Variants in MTUS1 observed in about 807,000 individuals in gnomAD.
The protein encoded by MTUS1 is microtubule associated scaffold protein 1.
In MTUS1, 109 loss-of-function variants were observed where a neutral mutation model predicts 120.8. That is an observed-to-expected ratio of 0.90 (90% CI 0.77 to 1.06). MTUS1 has a LOEUF of 1.06. MTUS1 is among the 50% of genes least tolerant of loss of function. MTUS1 has a pLI of 0.00. For synonymous variants in MTUS1, 737 were observed against 550.5 expected (o/e 1.34, Z -4.74); for missense variants, 2,210 against 1,486.3 (o/e 1.49, Z -8.01).
chr8:17,661,785 C>G (rs1010840031), intron 8 of MTUS1, among the ~76,000 whole-genome samples: 2 of 152,150 alleles, frequency 1.3e-5, no homozygotes, highest in Non-Finnish European at 2.9e-5. Flanking sequence ...TAGTCCAAAG[C>G]AGCAGGCCCA....
chr8:17,667,761 C>T (rs1410480889), intron 8 of MTUS1, among the ~76,000 whole-genome samples: 1 of 152,214 alleles, frequency 6.6e-6, no homozygotes, highest in Non-Finnish European at 1.5e-5. Flanking sequence ...GGTTCTTATG[C>T]AAGCTCTTTG....
rs2046078410 is a variant in MTUS1, at chr8:17,724,472, G to A, written c.2288-639C>T. 3.3e-5 allele frequency among the ~76,000 whole-genome samples: 5 copies of A among 152,036 alleles called. No individual in the cohort carries two copies. The South Asian group carries it at 1.0e-3, about 32-fold the overall frequency. On this transcript the variant is annotated intron_variant, in intron 3 of 14. Transcript: ENST00000693296. ...ATGCCTAATGTTCTAACACCAGGTG[G>A]TGCTATACTATTAAGATTTTTTTTT...
At chr8:17,662,980 T>G (rs1389495831) in intron 8 of MTUS1, among the ~76,000 whole-genome samples, 2 of 152,164 alleles carry the variant, frequency 1.3e-5, no homozygotes, top group East Asian at 3.9e-4. Flanking sequence ...GTCAGTATTT[T>G]CACTCTGCAA....
chr8:17,657,649 C>A (rs59799830), intron 8 of MTUS1, among the ~76,000 whole-genome samples: 7 of 104,210 alleles, frequency 6.7e-5, no homozygotes, highest in Non-Finnish European at 1.3e-4. Context: ...GGAAACCCAT[C>A]TCTTAAAATT....
At chr8:17,648,263 C>A (rs1428603415) in intron 13 of MTUS1, among the ~76,000 whole-genome samples, 1 of 152,170 alleles carries the variant, frequency 6.6e-6, no homozygotes, top group African/African-American at 2.4e-5. Context: ...AACAGTGGGT[C>A]TCCCTCTCAT....
chr8:17,653,539 A>G (rs1807518434), intron 10 of MTUS1, 41 bp from the exon 11 acceptor site: 1 of 1,381,494 alleles, frequency 7.2e-7, no homozygotes, highest in Non-Finnish European at 1.0e-6. Flanking sequence ...ATAACATTCT[A>G]TGAGATCAAT....
At chr8:17,715,067 A>G (rs751136759) in intron 5 of MTUS1, among the ~76,000 whole-genome samples, 15 of 151,608 alleles carry the variant, frequency 9.9e-5, no homozygotes, top group Non-Finnish European at 2.1e-4. Flanking sequence ...GACCATGCCC[A>G]GCTAATTTTT....
chr8:17,800,383 G>C (rs1348091568), intron 1 of MTUS1, among the ~76,000 whole-genome samples: 1 of 152,162 alleles, frequency 6.6e-6, no homozygotes. Context: ...TCCTTTCTTA[G>C]AACACTGACT....
intron 1 of MTUS1, among the ~76,000 whole-genome samples, chr8:17,776,586 G>T (rs1305280473): frequency 3.4e-5 from 5 of 146,126 alleles, no homozygotes. Context: ...GGCTGAGGCA[G>T]CAGAATCACT....
intron 4 of MTUS1, 131 bp from the exon 5 acceptor site, chr8:17,716,032 T>C (rs759137628): frequency 9.3e-5 from 72 of 773,108 alleles, no homozygotes; most frequent in African/African-American, 1.4e-4. Context: ...TTACTGAACA[T>C]TGGGAATACA....
At chr8:17,764,282 G>C (rs778068248) in intron 1 of MTUS1, among the ~76,000 whole-genome samples, 2 of 151,922 alleles carry the variant, frequency 1.3e-5, no homozygotes, top group Non-Finnish European at 2.9e-5. Context: ...AGGGTAGCTG[G>C]TGACATCTGA....
chr8:17,799,939 G>GAA (rs55838213), intron 1 of MTUS1, among the ~76,000 whole-genome samples: 6 of 144,256 alleles, frequency 4.2e-5, no homozygotes, highest in African/African-American at 1.0e-4. Context: ...TATTGCCTAT[G>GAA]AAAAAAAAAA....
chr8:17,679,486 A>AC (rs1563188202), intron 7 of MTUS1, among the ~76,000 whole-genome samples: 1 of 149,284 alleles, frequency 6.7e-6, no homozygotes, highest in African/African-American at 2.5e-5. Flanking sequence ...AACTATTTTT[A>AC]TTTTATTTAT....
At chr8:17,771,969 A>C (rs771676806) in intron 1 of MTUS1, among the ~76,000 whole-genome samples, 12 of 152,230 alleles carry the variant, frequency 7.9e-5, no homozygotes, top group Non-Finnish European at 1.6e-4. Context: ...TGGTCCATTT[A>C]CATTAAAGAT....
At chr8:17,733,123 G>T (rs1183053972) in intron 3 of MTUS1, among the ~76,000 whole-genome samples, 3 of 152,098 alleles carry the variant, frequency 2.0e-5, no homozygotes, top group Non-Finnish European at 4.4e-5. Flanking sequence ...GGCCGAGGTG[G>T]GTGGATCACC....
intron 3 of MTUS1, among the ~76,000 whole-genome samples, chr8:17,730,336 T>C (rs1476499065): frequency 1.3e-5 from 2 of 151,868 alleles, no homozygotes; most frequent in Non-Finnish European, 2.9e-5. Context: ...ACAAAAAACA[T>C]TATCTGGGCA....
chr8:17,723,421 C>G (rs1585963623), intron 4 of MTUS1: 5 of 523,814 alleles, frequency 9.5e-6, no homozygotes, highest in Middle Eastern at 4.3e-4. Flanking sequence ...CTTAAACCTC[C>G]AAAACACCAT....
chr8:17,715,477 A>C (rs1239892908), intron 5 of MTUS1, among the ~76,000 whole-genome samples: 1 of 152,130 alleles, frequency 6.6e-6, no homozygotes, highest in Non-Finnish European at 1.5e-5. Flanking sequence ...CTCCTTTCTC[A>C]CTATTCTAGA....
chr8:17,792,146 C>T (rs2051841745), intron 1 of MTUS1, among the ~76,000 whole-genome samples: 1 of 152,070 alleles, frequency 6.6e-6, no homozygotes, highest in Non-Finnish European at 1.5e-5. Context: ...AGTATGTCCC[C>T]AGGGTTTCAT....
Sources: allele counts gnomAD v4.1 joint callset (sites outside exome capture counted in the v4.1 genomes callset), GRCh38; gene constraint gnomAD v4.1.1; transcripts MANE v1.5; gene names NCBI Gene and HGNC (gene_info 2026-07-23, HGNC 2026-07-21).